FRMD4A: variants seen among roughly 807,000 people sequenced by gnomAD.
FRMD4A encodes the protein FERM domain-containing protein 4A.
A neutral mutation model predicts 129.1 loss-of-function variants in FRMD4A; 29 were observed. The observed-to-expected ratio is 0.22, with a 90% confidence interval of 0.17 to 0.31. The LOEUF (loss-of-function observed/expected upper bound fraction) is 0.31. Among genes scored for constraint, FRMD4A ranks in the 10% least tolerant of loss-of-function variants. The pLI is 1.00. For missense variants in FRMD4A, 1,272 were observed against 1,375.8 expected, an observed-to-expected ratio of 0.92 and a Z score of 1.19; for synonymous variants, 634 against 571.6, an observed-to-expected ratio of 1.11 and a Z score of -1.56.
Position 14,055,769 on chromosome 10 carries a change from T to A in FRMD4A, c.46-196857A>T, listed in dbSNP as rs185182569. Among the ~76,000 whole-genome samples, 4 of 152,382 alleles carry A rather than the reference T, an allele frequency of 2.6e-5. No individual in the cohort carries two copies. The East Asian group carries it at 7.7e-4, about 29-fold the overall frequency. On this transcript the variant is annotated intron_variant, in intron 2 of 24. Coordinates refer to ENST00000357447, the MANE Select transcript of FRMD4A (RefSeq NM_018027.5). ...CGTTTTGATACAGGCATGCAATGTG[T>A]AATGATCACATCATGGAGAATGGGG...
At position 13,732,309 on chromosome 10, in the gene FRMD4A, TTTTG is replaced by T. The variant is rs537398550; in HGVS notation, c.759+5531_759+5534del. Among the ~76,000 whole-genome samples, 82 of 109,664 alleles carry T rather than the reference TTTTG, an allele frequency of 7.5e-4. No homozygotes were observed. The South Asian group carries it at 0.018, about 24-fold the overall frequency. 71.9% of individuals were successfully genotyped at this position (109,664 alleles called of 152,430 possible). The stretch of plus-strand genomic sequence containing the variant: ...ATCAGCTACTCTTTCTTGGTGCCTT[TTTTG>T]TTTGTTTGGGCTTTTTTGTGGGGAT... On this transcript the variant is annotated intron_variant, in intron 12 of 24. Transcript: ENST00000357447.
At chr10:14,329,363 G>A (rs1268896776) in intron 2 of FRMD4A, among the ~76,000 whole-genome samples, 1 of 152,172 alleles carries the variant, frequency 6.6e-6, no homozygotes, top group Non-Finnish European at 1.5e-5. Context: ...AAAGCCAATT[G>A]GGTTGGAACA....
At chr10:14,163,465 C>T (rs994987555) in intron 2 of FRMD4A, among the ~76,000 whole-genome samples, 2 of 152,236 alleles carry the variant, frequency 1.3e-5, no homozygotes, top group African/African-American at 4.8e-5. Flanking sequence ...TCATCTGCTT[C>T]TAGCTTCCGG....
intron 2 of FRMD4A, among the ~76,000 whole-genome samples, chr10:13,962,289 C>T (rs973094968): frequency 6.6e-6 from 1 of 152,118 alleles, no homozygotes; most frequent in Non-Finnish European, 1.5e-5. Context: ...CTCTGAGCCT[C>T]GTTATGATAC....
intron 3 of FRMD4A, among the ~76,000 whole-genome samples, chr10:13,841,848 T>C (rs2093971302): frequency 6.6e-6 from 1 of 152,166 alleles, no homozygotes; most frequent in Non-Finnish European, 1.5e-5. Flanking sequence ...TTGCAGCCAG[T>C]TGATCAAAGT....
chr10:13,735,284 A>G (rs1021577831), intron 12 of FRMD4A, among the ~76,000 whole-genome samples: 48 of 152,392 alleles, frequency 3.1e-4, no homozygotes, highest in African/African-American at 1.1e-3. Context: ...CCAAGGCCAC[A>G]GAAACCCAAG....
chr10:13,884,194 A>G (rs797013736), intron 2 of FRMD4A, among the ~76,000 whole-genome samples: 29,418 of 78,332 alleles, frequency 0.38, 7,227 homozygotes, highest in Middle Eastern at 0.48. Context: ...ACACACACAC[A>G]CTCACACACA....
intron 2 of FRMD4A, among the ~76,000 whole-genome samples, chr10:13,956,009 C>A (rs1381715310): frequency 2.0e-5 from 3 of 152,214 alleles, no homozygotes; most frequent in Non-Finnish European, 4.4e-5. Flanking sequence ...ACAGTTGTTG[C>A]AAAGGGATCT....
At chr10:13,752,243 G>A (rs965110629) in intron 8 of FRMD4A, among the ~76,000 whole-genome samples, 1 of 152,154 alleles carries the variant, frequency 6.6e-6, no homozygotes, top group Non-Finnish European at 1.5e-5. Context: ...CCTGTCTTCT[G>A]CAGCCTATAC....
chr10:13,809,229 T>A (rs1264720455), intron 4 of FRMD4A, among the ~76,000 whole-genome samples: 2 of 152,214 alleles, frequency 1.3e-5, no homozygotes, highest in Admixed American at 6.5e-5. Context: ...CAGACTCACA[T>A]CATCTTCCCC....
At chr10:13,936,716 G>A (rs142353339) in intron 2 of FRMD4A, among the ~76,000 whole-genome samples, 90 of 152,306 alleles carry the variant, frequency 5.9e-4, no homozygotes, top group African/African-American at 2.1e-3. Context: ...GAGGCATCTA[G>A]TCTATGGGAT....
intron 2 of FRMD4A, among the ~76,000 whole-genome samples, chr10:14,089,630 C>CAAAAAAAAAAAAAA (rs59553317): frequency 2.3e-5 from 3 of 130,788 alleles, no homozygotes; most frequent in East Asian, 2.3e-4. Context: ...AAAAAAAAAA[C>CAAAAAAAAAAAAAA]AAAAAAAAAC....
chr10:13,973,383 T>G (rs1372025658), intron 2 of FRMD4A, among the ~76,000 whole-genome samples: 1 of 152,208 alleles, frequency 6.6e-6, no homozygotes, highest in African/African-American at 2.4e-5. Context: ...GGGGAGTTTC[T>G]CTATGTTGCC....
intron 2 of FRMD4A, among the ~76,000 whole-genome samples, chr10:13,950,334 C>T (rs759803824): frequency 1.2e-4 from 19 of 152,216 alleles, no homozygotes; most frequent in Non-Finnish European, 1.5e-4. Context: ...CTGGTTTTAA[C>T]TTGGGAAAGT....
At chr10:13,861,409 G>A (rs753119854) in intron 2 of FRMD4A, among the ~76,000 whole-genome samples, 2 of 152,142 alleles carry the variant, frequency 1.3e-5, no homozygotes, top group African/African-American at 4.8e-5. Flanking sequence ...CCATCAAGTC[G>A]GGTTTTCCTT....
intron 15 of FRMD4A, among the ~76,000 whole-genome samples, chr10:13,683,366 C>G (rs1378954448): frequency 1.3e-5 from 2 of 151,594 alleles, no homozygotes; most frequent in Admixed American, 6.6e-5. Flanking sequence ...GGGAGGATTG[C>G]TTAATGCCAG....
At chr10:13,847,844 C>A (rs777235884) in intron 3 of FRMD4A, among the ~76,000 whole-genome samples, 2 of 152,184 alleles carry the variant, frequency 1.3e-5, no homozygotes, top group African/African-American at 4.8e-5. Flanking sequence ...CATAGCACAG[C>A]GGTAGACAAA....
chr10:13,738,778 G>A (rs769791360), intron 11 of FRMD4A, among the ~76,000 whole-genome samples: 5 of 152,050 alleles, frequency 3.3e-5, no homozygotes, highest in South Asian at 2.1e-4. Flanking sequence ...GTGCCACCAC[G>A]TCTGGCTAAT....
chr10:14,040,407 A>C (rs1833734021), intron 2 of FRMD4A, among the ~76,000 whole-genome samples: 1 of 152,218 alleles, frequency 6.6e-6, no homozygotes, highest in South Asian at 2.1e-4. Context: ...ATTCATTTAC[A>C]AGATAATCTT....
Sources: gnomAD v4.1 joint callset for allele counts (sites outside exome capture counted in the v4.1 genomes callset) on GRCh38, gnomAD v4.1.1 for gene constraint, MANE v1.5 for transcripts, NCBI Gene and HGNC (gene_info 2026-07-23, HGNC 2026-07-21) for gene names.